The following SHISA9 variants were observed in gnomAD, a reference collection of about 807,000 sequenced individuals.
SHISA9 encodes the protein protein shisa-9.
A neutral mutation model predicts 38.0 loss-of-function variants in SHISA9; 13 were observed. The observed-to-expected ratio is 0.34, with a 90% CI of 0.22 to 0.54. The LOEUF is 0.54. Among genes scored for constraint, SHISA9 ranks in the 20% least tolerant of loss-of-function variants. The pLI is 0.91. For synonymous variants in SHISA9, 275 were observed against 242.0 expected (o/e 1.14, Z -1.27); for missense variants, 538 against 575.8 (o/e 0.93, Z 0.67).
At chr16:13,301,129 G>A in the SHISA9 span, among the ~76,000 whole-genome samples, 1 of 152,132 alleles carries the variant, frequency 6.6e-6, no homozygotes, top group South Asian at 2.1e-4. Context: ...CCCTGTGGAA[G>A]TGCCTTAGAG....
chr16:12,949,980 C>T (rs569756369), intron 2 of SHISA9, among the ~76,000 whole-genome samples: 4 of 152,310 alleles, frequency 2.6e-5, no homozygotes, highest in Non-Finnish European at 4.4e-5. Context: ...TATCTAGCTG[C>T]AGTTTTGTAC....
chr16:12,983,494 T>C (rs4781372), intron 2 of SHISA9, among the ~76,000 whole-genome samples: 28,065 of 152,074 alleles, frequency 0.18, 3,371 homozygotes, highest in Middle Eastern at 0.31. Context: ...AGAGAGTGGT[T>C]TTGGGTTTTT....
the SHISA9 span, among the ~76,000 whole-genome samples, chr16:13,524,820 G>A: frequency 2.6e-5 from 4 of 151,964 alleles, no homozygotes; most frequent in African/African-American, 9.7e-5. Flanking sequence ...TCCTACCTTG[G>A]CCTCCCAAAG....
the SHISA9 span, among the ~76,000 whole-genome samples, chr16:13,343,536 T>A: frequency 5.2e-4 from 79 of 152,180 alleles, no homozygotes; most frequent in Middle Eastern, 0.014. Flanking sequence ...TTCCATGAAG[T>A]GATGCTGGGA....
At chr16:13,207,729 T>C (rs1420480033) in intron 3 of SHISA9, among the ~76,000 whole-genome samples, 1 of 152,216 alleles carries the variant, frequency 6.6e-6, no homozygotes, top group Non-Finnish European at 1.5e-5. Context: ...GAATCCAGCA[T>C]CTGCCTGCAC....
rs368616376 is a variant in SHISA9, at chr16:12,903,806, G to A, written c.563+1179G>A. On this transcript the variant is annotated intron_variant, in intron 1 of 4. Coordinates refer to ENST00000558583, the MANE Select transcript of SHISA9 (RefSeq NM_001145204.3). ...CGCCCCCTCTGCCGGGGGCCTGTGT[G>A]TGTGCGCGCGTGTGTGCACGCGCTC... Among the ~76,000 whole-genome samples, 8 of 151,968 alleles carry A rather than the reference G, an allele frequency of 5.3e-5. No homozygotes were observed. The East Asian group carries it at 1.2e-3, about 22-fold the overall frequency.
intron 2 of SHISA9, among the ~76,000 whole-genome samples, chr16:12,951,455 C>G (rs1304233467): frequency 6.6e-6 from 1 of 152,016 alleles, no homozygotes; most frequent in African/African-American, 2.4e-5. Flanking sequence ...AGAGGTGAAG[C>G]TGCCACACAT....
the SHISA9 span, among the ~76,000 whole-genome samples, chr16:13,514,538 C>G: frequency 6.6e-6 from 1 of 152,036 alleles, no homozygotes; most frequent in Non-Finnish European, 1.5e-5. Context: ...AAAGACCTAA[C>G]CTGAACTTCC....
At chr16:12,983,961 G>C (rs931711583) in intron 2 of SHISA9, among the ~76,000 whole-genome samples, 11 of 152,172 alleles carry the variant, frequency 7.2e-5, no homozygotes, top group African/African-American at 2.7e-4. Flanking sequence ...TTTGGCTTCT[G>C]TTCATAATTC....
At chr16:13,188,251 A>G (rs75147747) in intron 2 of SHISA9, among the ~76,000 whole-genome samples, 2,979 of 152,316 alleles carry the variant, frequency 0.02, 44 homozygotes, top group Non-Finnish European at 0.031. Flanking sequence ...TTCTTGGAGC[A>G]ATGTCTGACT....
chr16:13,261,867 T>A, the SHISA9 span, among the ~76,000 whole-genome samples: 1 of 152,168 alleles, frequency 6.6e-6, no homozygotes, highest in Non-Finnish European at 1.5e-5. Context: ...GTAGCCAGAA[T>A]TAGATATGAG....
At chr16:13,539,316 ATAAAGACAGGATCTT>A in the SHISA9 span, among the ~76,000 whole-genome samples, 235 of 84,624 alleles carry the variant, frequency 2.8e-3, 27 homozygotes, top group East Asian at 0.018. Flanking sequence ...ATATATATAT[ATAAAGACAGGATCTT>A]TATATATATA....
the SHISA9 span, among the ~76,000 whole-genome samples, chr16:13,503,337 C>A: frequency 6.6e-6 from 1 of 152,108 alleles, no homozygotes; most frequent in Non-Finnish European, 1.5e-5. Context: ...TTATCTATTG[C>A]TGAGTAACAG....
chr16:13,525,030 T>A, the SHISA9 span, among the ~76,000 whole-genome samples: 3 of 152,102 alleles, frequency 2.0e-5, 1 homozygote, highest in South Asian at 6.2e-4. Flanking sequence ...ACAATATAGT[T>A]CTCAAACTAT....
chr16:13,216,551 G>A (rs759414262), intron 4 of SHISA9, among the ~76,000 whole-genome samples: 2 of 152,170 alleles, frequency 1.3e-5, no homozygotes, highest in Non-Finnish European at 2.9e-5. Context: ...AAACACTTTT[G>A]ACATCTGATC....
At chr16:12,981,808 T>C (rs956545303) in intron 2 of SHISA9, among the ~76,000 whole-genome samples, 2 of 152,018 alleles carry the variant, frequency 1.3e-5, no homozygotes, top group Non-Finnish European at 2.9e-5. Flanking sequence ...CTGGTATCCT[T>C]ATAAGAAGAG....
intron 2 of SHISA9, among the ~76,000 whole-genome samples, chr16:13,032,104 C>T (rs1596598789): frequency 2.0e-5 from 3 of 151,882 alleles, no homozygotes; most frequent in Non-Finnish European, 2.9e-5. Flanking sequence ...TTTGCTGTAC[C>T]TATCAACCTG....
intron 4 of SHISA9, among the ~76,000 whole-genome samples, chr16:13,218,525 G>A (rs771110588): frequency 1.3e-5 from 2 of 152,198 alleles, no homozygotes; most frequent in Non-Finnish European, 2.9e-5. Flanking sequence ...CATTGAAAGT[G>A]GATAGTGTTG....
the SHISA9 span, among the ~76,000 whole-genome samples, chr16:13,256,928 C>T: frequency 2.6e-5 from 4 of 152,330 alleles, no homozygotes; most frequent in African/African-American, 9.6e-5. Context: ...GAAACATACA[C>T]ATACACACAA....
Sources: gnomAD v4.1 joint callset for allele counts (sites outside exome capture counted in the v4.1 genomes callset) on GRCh38, gnomAD v4.1.1 for gene constraint, MANE v1.5 for transcripts, NCBI Gene and HGNC (gene_info 2026-07-23, HGNC 2026-07-21) for gene names.